The following FDCSP variants were observed in gnomAD, a reference collection of about 807,000 sequenced individuals.
FDCSP encodes follicular dendritic cell secreted peptide.
A neutral mutation model predicts 8.9 loss-of-function variants in FDCSP; 8 were observed. That is an observed-to-expected ratio of 0.90 (90% CI 0.53 to 1.63). FDCSP has a LOEUF of 1.63. FDCSP is among the 40% of genes most tolerant of loss of function. FDCSP has a pLI of 0.00. For missense variants in FDCSP, 101 were observed against 103.6 expected (o/e 0.98, Z 0.11); for synonymous variants, 34 against 34.5 (o/e 0.98, Z 0.06).
At position 70,231,234 on chromosome 4, in the gene FDCSP, G is replaced by A; in HGVS notation, c.40G>A (p.Val14Met). The A allele has an allele frequency of 1.2e-6, 2 of 1,602,684 alleles. No individual in the cohort carries two copies. The highest frequency in any genetic ancestry group is 1.7e-6 in the Non-Finnish European group (2 of 1,173,846). ...CCTCCTGATCACAGCCATCTTGGCA[G>A]TGGCTGTTGGTTTCCCAGTAAGTAT... ...VLLLITAILA[V>M]AVGFPVSQDQ... The change falls in exon 2 of 5, where the codon GTG becomes ATG. Residue 14 changes from valine to methionine, a missense_variant. Val to Met is a conservative substitution (Grantham distance 21). Transcript: ENST00000317987.
intron 2 of FDCSP, among the ~76,000 whole-genome samples, chr4:70,231,564 G>T (rs1361623220): frequency 6.6e-6 from 1 of 151,654 alleles, no homozygotes; most frequent in African/African-American, 2.4e-5. Flanking sequence ...GTGTTCATGT[G>T]TTTGAGATGA....
Position 70,234,008 on chromosome 4 carries a change from T to G in FDCSP, c.91-12T>G. 6.3e-7 allele frequency: 1 copy of G among 1,586,966 alleles called. No homozygotes were observed. The highest frequency in any genetic ancestry group is 8.6e-7 in the Non-Finnish European group (1 of 1,169,192). On this transcript the variant is annotated splice_polypyrimidine_tract_variant and intron_variant, in intron 3 of 4. Coordinates refer to ENST00000317987, the MANE Select transcript of FDCSP (RefSeq NM_152997.4). ...AAGTGAAATAAACCCTTTAACTTCT[T>G]TCTTTCAACAGATCAGTGACAGCGA...
At position 70,231,090 on chromosome 4, in the gene FDCSP, G is replaced by A. The variant is rs563105177; in HGVS notation, c.1-105G>A. 1.3e-4 allele frequency: 111 copies of A among 825,930 alleles called. No individual in the cohort carries two copies. The African/African-American group carries it at 1.4e-3, about 11-fold the overall frequency. 51.2% of individuals were successfully genotyped at this position (825,930 alleles called of 1,614,324 possible). On this transcript the variant is annotated intron_variant, in intron 1 of 4. Coordinates refer to ENST00000317987, the MANE Select transcript of FDCSP (RefSeq NM_152997.4). ...CAAAGAGCTATTTGTCAAATAATTC[G>A]TACTTTAACTGGATCTTTTAAATTC...
At chr4:70,231,072 C>CTAT in intron 1 of FDCSP, 123 bp from the exon 2 acceptor site, 1 of 681,036 alleles carries the variant, frequency 1.5e-6, no homozygotes, top group South Asian at 2.2e-5. Context: ...ACTCAAAGAG[C>CTAT]TATTTGTCAA....
intron 1 of FDCSP, among the ~76,000 whole-genome samples, chr4:70,226,792 T>C (rs1410735970): frequency 6.6e-6 from 1 of 151,760 alleles, no homozygotes; most frequent in Admixed American, 6.6e-5. Context: ...GTATCATGAC[T>C]TGATAAGTAT....
At chr4:70,234,272 A>G in intron 4 of FDCSP, 57 bp downstream of exon 4, 1 of 1,378,902 alleles carries the variant, frequency 7.3e-7, no homozygotes, top group Non-Finnish European at 9.8e-7. Context: ...TGGAATCCAT[A>G]ATTTCAAGGA....
intron 1 of FDCSP, among the ~76,000 whole-genome samples, chr4:70,227,043 T>C (rs917625289): frequency 3.9e-5 from 6 of 151,926 alleles, no homozygotes; most frequent in Non-Finnish European, 7.4e-5. Context: ...TTTCTACATA[T>C]GGTATATATC....
At chr4:70,230,252 AAAG>A (rs1730056676) in intron 1 of FDCSP, among the ~76,000 whole-genome samples, 1 of 151,732 alleles carries the variant, frequency 6.6e-6, no homozygotes, top group African/African-American at 2.4e-5. Context: ...ACACCATGAC[AAAG>A]AAGAGGATTA....
At chr4:70,230,504 A>T (rs1462224488) in intron 1 of FDCSP, among the ~76,000 whole-genome samples, 1 of 151,794 alleles carries the variant, frequency 6.6e-6, no homozygotes, top group African/African-American at 2.4e-5. Flanking sequence ...TAAGGAATCT[A>T]CAGTGAAAAT....
At chr4:70,230,588 C>T (rs1480005421) in intron 1 of FDCSP, among the ~76,000 whole-genome samples, 1 of 151,632 alleles carries the variant, frequency 6.6e-6, no homozygotes, top group African/African-American at 2.4e-5. Context: ...CAAAATTACT[C>T]TATGATCCAT....
At chr4:70,233,088 T>A (rs1031198440) in intron 3 of FDCSP, 62 bp downstream of exon 3, 3 of 1,394,860 alleles carry the variant, frequency 2.2e-6, no homozygotes, top group African/African-American at 1.5e-5. Flanking sequence ...ATAACTATTG[T>A]TAAAGATATT....
intron 2 of FDCSP, among the ~76,000 whole-genome samples, chr4:70,232,561 T>A (rs143812613): frequency 6.6e-6 from 1 of 151,718 alleles, no homozygotes; most frequent in South Asian, 2.1e-4. Flanking sequence ...AACTACCCAT[T>A]TCTCATAACT....
At chr4:70,230,778 C>A (rs1021378803) in intron 1 of FDCSP, among the ~76,000 whole-genome samples, 4 of 151,758 alleles carry the variant, frequency 2.6e-5, no homozygotes, top group African/African-American at 9.7e-5. Flanking sequence ...TACTTCCAAA[C>A]TAACATTCTC....
intron 1 of FDCSP, among the ~76,000 whole-genome samples, chr4:70,226,563 C>G (rs1283972473): frequency 6.6e-6 from 1 of 151,800 alleles, no homozygotes; most frequent in Non-Finnish European, 1.5e-5. Flanking sequence ...CAGAGATTCT[C>G]TAAAGTCTGA....
intron 2 of FDCSP, among the ~76,000 whole-genome samples, chr4:70,231,524 C>T (rs1242575846): frequency 6.6e-6 from 1 of 151,512 alleles, no homozygotes; most frequent in African/African-American, 2.4e-5. Flanking sequence ...TTGTGGCCAT[C>T]ATTATGTCAT....
At chr4:70,231,716 C>T (rs1560492453) in intron 2 of FDCSP, among the ~76,000 whole-genome samples, 3 of 151,690 alleles carry the variant, frequency 2.0e-5, no homozygotes, top group South Asian at 2.1e-4. Context: ...TTAGAGTTAA[C>T]TCCTTCTACT....
chr4:70,234,299 A>G (rs919319594), intron 4 of FDCSP, 84 bp downstream of exon 4: 3 of 1,165,770 alleles, frequency 2.6e-6, no homozygotes, highest in Admixed American at 2.7e-5. Context: ...AATGTTAACT[A>G]TGTCCCTAGT....
At chr4:70,233,239 T>G (rs1012120541) in intron 3 of FDCSP, among the ~76,000 whole-genome samples, 3 of 151,704 alleles carry the variant, frequency 2.0e-5, no homozygotes, top group Non-Finnish European at 3.0e-5. Flanking sequence ...ACGGTAAAAA[T>G]TGGATTGAAA....
At chr4:70,226,588 C>CT (rs1729989823) in intron 1 of FDCSP, among the ~76,000 whole-genome samples, 2 of 151,870 alleles carry the variant, frequency 1.3e-5, no homozygotes, top group Non-Finnish European at 2.9e-5. Flanking sequence ...GTGCCAATTT[C>CT]TTTGGCCTCC....
Sources: gnomAD v4.1 joint callset for allele counts (sites outside exome capture counted in the v4.1 genomes callset) on GRCh38, gnomAD v4.1.1 for gene constraint, MANE v1.5 for transcripts, NCBI Gene and HGNC (gene_info 2026-07-23, HGNC 2026-07-21) for gene names.